The following PCED1B variants were observed in gnomAD, a reference collection of about 807,000 sequenced individuals.
PCED1B encodes the protein PC-esterase domain containing 1B, also known as PC-esterase domain-containing protein 1B.
For missense variants in PCED1B, 573 were observed against 573.9 expected (o/e 1.00, Z 0.02); for synonymous variants, 251 against 246.1 (o/e 1.02, Z -0.19).
At chr12:47,131,103 A>G (rs1055432440) in intron 2 of PCED1B, among the ~76,000 whole-genome samples, 5 of 152,200 alleles carry the variant, frequency 3.3e-5, no homozygotes, top group Non-Finnish European at 7.3e-5. Flanking sequence ...TTACTTTTAT[A>G]ATTGAGAAAA....
chr12:47,220,440 G>T (rs1182308479), intron 3 of PCED1B, among the ~76,000 whole-genome samples: 1 of 152,122 alleles, frequency 6.6e-6, no homozygotes, highest in Non-Finnish European at 1.5e-5. Flanking sequence ...CCAAAGTGCT[G>T]GGATTACAGG....
intron 1 of PCED1B, among the ~76,000 whole-genome samples, chr12:47,100,773 A>C (rs1333839548): frequency 4.6e-5 from 7 of 152,216 alleles, no homozygotes; most frequent in Non-Finnish European, 8.8e-5. Flanking sequence ...AGTTGACTAA[A>C]AGTTATTTGA....
chr12:47,166,872 A>T (rs1941561472), intron 2 of PCED1B, among the ~76,000 whole-genome samples: 1 of 152,246 alleles, frequency 6.6e-6, no homozygotes, highest in African/African-American at 2.4e-5. Flanking sequence ...ACAAGAGAAA[A>T]AAACAGTTTT....
intron 2 of PCED1B, chr12:47,208,487 T>A (rs1225209997): frequency 6.6e-6 from 1 of 152,176 alleles, no homozygotes; most frequent in Non-Finnish European, 1.5e-5. Flanking sequence ...CACTGCAACC[T>A]CTACCTCCCA....
At chr12:47,201,275 G>T (rs1008813773) in intron 2 of PCED1B, among the ~76,000 whole-genome samples, 1 of 152,134 alleles carries the variant, frequency 6.6e-6, no homozygotes, top group African/African-American at 2.4e-5. Flanking sequence ...ATAGACTCGG[G>T]GCTTTGGGCG....
At chr12:47,181,373 A>ATTT (rs61594383) in intron 2 of PCED1B, among the ~76,000 whole-genome samples, 28 of 145,416 alleles carry the variant, frequency 1.9e-4, no homozygotes, top group African/African-American at 5.6e-4. Flanking sequence ...TTCTTTCATT[A>ATTT]TTTTTTTTTT....
At chr12:47,143,306 CG>C (rs1565774236) in intron 2 of PCED1B, among the ~76,000 whole-genome samples, 1 of 152,046 alleles carries the variant, frequency 6.6e-6, no homozygotes, top group Non-Finnish European at 1.5e-5. Context: ...TGATCTTGTA[CG>C]TAGCCAGTCC....
chr12:47,100,020 G>A (rs2137212917), intron 1 of PCED1B, among the ~76,000 whole-genome samples: 1 of 152,294 alleles, frequency 6.6e-6, no homozygotes, highest in South Asian at 2.1e-4. Context: ...TACATACTTG[G>A]AAAAAGGACC....
intron 2 of PCED1B, among the ~76,000 whole-genome samples, chr12:47,117,203 T>A (rs1174633736): frequency 6.6e-6 from 1 of 151,994 alleles, no homozygotes; most frequent in Non-Finnish European, 1.5e-5. Flanking sequence ...ACTTCATTCA[T>A]TTTTTTTATT....
chr12:47,090,297 G>C (rs1353281085), intron 1 of PCED1B, among the ~76,000 whole-genome samples: 2 of 152,140 alleles, frequency 1.3e-5, no homozygotes, highest in Non-Finnish European at 1.5e-5. Context: ...AGACAGCTGA[G>C]GAGCCACGTG....
intron 2 of PCED1B, among the ~76,000 whole-genome samples, chr12:47,191,802 G>T (rs1266576879): frequency 1.4e-5 from 2 of 143,362 alleles, no homozygotes; most frequent in East Asian, 1.9e-4. Context: ...TTGTTTTGTT[G>T]TGTTGTGCTT....
intron 2 of PCED1B, among the ~76,000 whole-genome samples, chr12:47,118,459 A>G (rs1367645868): frequency 3.3e-5 from 5 of 152,162 alleles, no homozygotes; most frequent in Non-Finnish European, 7.4e-5. Flanking sequence ...TCCTTTCCCC[A>G]TTGCTTGTTT....
At chr12:47,141,134 G>A (rs1432975448) in intron 2 of PCED1B, among the ~76,000 whole-genome samples, 1 of 152,160 alleles carries the variant, frequency 6.6e-6, no homozygotes, top group African/African-American at 2.4e-5. Flanking sequence ...AGAGCCTTGA[G>A]AAGTCCGCTT....
intron 2 of PCED1B, among the ~76,000 whole-genome samples, chr12:47,181,889 C>T (rs983365516): frequency 6.6e-5 from 10 of 152,186 alleles, no homozygotes; most frequent in Non-Finnish European, 1.3e-4. Context: ...CCTGTAATTT[C>T]CTCCTTCAAA....
At chr12:47,162,818 G>A (rs528664964) in intron 2 of PCED1B, among the ~76,000 whole-genome samples, 1 of 152,186 alleles carries the variant, frequency 6.6e-6, no homozygotes, top group East Asian at 1.9e-4. Flanking sequence ...CCAATATTGG[G>A]GATCACATTT....
At chr12:47,139,327 G>A (rs531950810) in intron 2 of PCED1B, among the ~76,000 whole-genome samples, 1 of 152,194 alleles carries the variant, frequency 6.6e-6, no homozygotes, top group Non-Finnish European at 1.5e-5. Flanking sequence ...CAGTAATGGG[G>A]AGCAGCAGAC....
intron 2 of PCED1B, among the ~76,000 whole-genome samples, chr12:47,161,405 GCTCT>G (rs1941373393): frequency 6.6e-6 from 1 of 152,058 alleles, no homozygotes; most frequent in Non-Finnish European, 1.5e-5. Flanking sequence ...ATGTTTCTGG[GCTCT>G]CTCTTTTATT....
intron 2 of PCED1B, among the ~76,000 whole-genome samples, chr12:47,214,202 T>C (rs1036755664): frequency 6.6e-6 from 1 of 152,134 alleles, no homozygotes; most frequent in Non-Finnish European, 1.5e-5. Context: ...TTGATGGCCA[T>C]AGAGGATGAA....
At chr12:47,201,315 C>G (rs942219206) in intron 2 of PCED1B, among the ~76,000 whole-genome samples, 14 of 151,870 alleles carry the variant, frequency 9.2e-5, no homozygotes, top group Non-Finnish European at 1.9e-4. Context: ...CTTGGAATTG[C>G]GAATATAGCT....
Sources: allele counts gnomAD v4.1 joint callset (sites outside exome capture counted in the v4.1 genomes callset), GRCh38; gene constraint gnomAD v4.1.1; transcripts MANE v1.5; gene names NCBI Gene and HGNC (gene_info 2026-07-23, HGNC 2026-07-21).